The following PSAT1 variants were observed in gnomAD, a reference collection of about 807,000 sequenced individuals.
The protein encoded by PSAT1 is phosphoserine aminotransferase.
In PSAT1, 41 loss-of-function variants were observed where a neutral mutation model predicts 40.3. The ratio of observed to expected loss-of-function variants is 1.02; its 90% CI spans 0.79 to 1.32. PSAT1 has a LOEUF of 1.32. Among genes scored for constraint, PSAT1 ranks in the 40% most tolerant of loss-of-function variants. PSAT1 has a pLI of 0.00. For synonymous variants in PSAT1, 147 were observed against 170.5 expected (o/e 0.86, Z 1.07); for missense variants, 406 against 455.8 (o/e 0.89, Z 0.99).
In PSAT1 at chr9:78,311,397, G is replaced by C. The variant is rs564356728; in HGVS notation, c.740+2814G>C. Among the ~76,000 whole-genome samples, 59 of 152,276 alleles carry C rather than the reference G, an allele frequency of 3.9e-4. 1 individual carries two copies. In the South Asian group the frequency reaches 0.012, roughly 32 times the overall value. On this transcript the variant is annotated intron_variant, in intron 6 of 8. Coordinates refer to ENST00000376588, the MANE Select transcript of PSAT1 (RefSeq NM_058179.4). ...CATTTCAGAAGTGAGAAGGTGGGAG[G>C]GGGCAGGGAAAGAGTGCTGTTCCTG...
rs138085071 is a variant in PSAT1 at position 78,308,549 on chromosome 9, A to C, written c.706A>C (p.Asn236His). ...CCTGGAATACAAGGTGCAGGCTGGA[A>C]ACAGCTCCTTGTACAACACGCCTCC... Reference protein sequence around the residue: ...SVLEYKVQAGNSSLYNTPPCF... With the variant: ...SVLEYKVQAGHSSLYNTPPCF... Residue 236 changes from asparagine to histidine, a missense_variant, in exon 6 of 9, where the codon AAC (asparagine) becomes CAC (histidine). Physicochemically the swap from Asn to His is moderately conservative, Grantham distance 68. Transcript: ENST00000376588. The C allele has an allele frequency of 2.6e-5, 42 of 1,613,880 alleles. No individual in the cohort carries two copies. Among genetic ancestry groups the C allele is most frequent in the Non-Finnish European group, 3.3e-5 (39 of 1,180,008 alleles).
In PSAT1 at chr9:78,307,621, C is replaced by A. The variant is rs187001790; in HGVS notation, c.571-793C>A. ...TTGCACAACAGAATTACCTAAAGTA[C>A]CTTTAAGCCTCTGTTTTCTATAATT... On this transcript the variant is annotated intron_variant, in intron 5 of 8. Coordinates refer to ENST00000376588, the MANE Select transcript of PSAT1 (RefSeq NM_058179.4). Among the ~76,000 whole-genome samples, 275 of 152,290 alleles carry A rather than the reference C, an allele frequency of 1.8e-3. 1 individual carries two copies. Among genetic ancestry groups the A allele is most frequent in the African/African-American group, 6.1e-3 (254 of 41,564 alleles).
chr9:78,306,548 A>C, intron 5 of PSAT1, 62 bp downstream of exon 5: 1 of 1,597,584 alleles, frequency 6.3e-7, no homozygotes, highest in South Asian at 1.1e-5. Flanking sequence ...GGACATTTTA[A>C]TATATACAAG....
chr9:78,304,396 C>T (rs1372676443), intron 3 of PSAT1, among the ~76,000 whole-genome samples: 1 of 152,224 alleles, frequency 6.6e-6, no homozygotes, highest in Non-Finnish European at 1.5e-5. Context: ...GGCAGGTACT[C>T]ATCCCCTTGA....
chr9:78,327,132 T>A (rs1828512538), intron 7 of PSAT1, among the ~76,000 whole-genome samples: 1 of 116,772 alleles, frequency 8.6e-6, no homozygotes, highest in South Asian at 3.4e-4. Context: ...ATTTTTGTAT[T>A]TTTTTTTTTC....
At chr9:78,304,040 C>T (rs768356452) in intron 3 of PSAT1, among the ~76,000 whole-genome samples, 6 of 152,142 alleles carry the variant, frequency 3.9e-5, no homozygotes, top group Non-Finnish European at 7.3e-5. Flanking sequence ...AAAACATTAT[C>T]GAAACCCCCT....
At chr9:78,327,924 G>T in intron 7 of PSAT1, 127 bp from the exon 8 acceptor site, 3 of 1,030,672 alleles carry the variant, frequency 2.9e-6, no homozygotes, top group South Asian at 2.9e-5. Context: ...CAGATTTTTT[G>T]TTTTTTGTTT....
Position 78,318,890 on chromosome 9 carries a change from C to T in PSAT1, c.869+1086C>T, listed in dbSNP as rs75500871. The stretch of plus-strand genomic sequence containing the variant: ...AATGCCAGATGGGAAGCACCTAGTG[C>T]GGTGCCTTGGATGCAGAGAAGTGTA... On this transcript the variant is annotated intron_variant, in intron 7 of 8. Transcript: ENST00000376588. 2.3e-3 allele frequency among the ~76,000 whole-genome samples: 353 copies of T among 152,284 alleles called. 2 individuals are homozygous for T. The highest frequency in any genetic ancestry group is 7.7e-3 in the African/African-American group (321 of 41,558).
At chr9:78,301,831 T>G (rs1440667975) in intron 2 of PSAT1, 123 bp from the exon 3 acceptor site, 1 of 781,030 alleles carries the variant, frequency 1.3e-6, no homozygotes, top group East Asian at 2.7e-5. Flanking sequence ...TGGCCCACAA[T>G]TTGAATGCAG....
At chr9:78,317,571 T>C (rs1828365364) in intron 6 of PSAT1, 105 bp from the exon 7 acceptor site, 5 of 1,296,188 alleles carry the variant, frequency 3.9e-6, no homozygotes, top group African/African-American at 2.9e-5. Flanking sequence ...TTTCAAATAA[T>C]GTGTTTAAGT....
intron 6 of PSAT1, among the ~76,000 whole-genome samples, chr9:78,309,425 T>C (rs1828234364): frequency 6.6e-6 from 1 of 152,214 alleles, no homozygotes; most frequent in Non-Finnish European, 1.5e-5. Context: ...TGCAGTGGCA[T>C]GATCTCGGCT....
rs1828545670 is a variant in PSAT1, at chr9:78,329,204, A to C, written c.*118A>C. On this transcript the variant is annotated 3_prime_UTR_variant, in exon 9 of 9. Coordinates refer to ENST00000376588, the MANE Select transcript of PSAT1 (RefSeq NM_058179.4). ...TCTCAAATGAACATGTTTATTGCAG[A>C]TTCTTCTTTTTTGAAAGAACAACAG... 2.6e-6 allele frequency: 2 copies of C among 764,340 alleles called. No individual in the cohort carries two copies. The highest frequency in any genetic ancestry group is 4.6e-6 in the Non-Finnish European group (2 of 439,346). The allele number at this position is 764,340 out of a possible 1,614,324, so 47.3% of individuals were successfully genotyped here.
intron 6 of PSAT1, among the ~76,000 whole-genome samples, chr9:78,313,881 A>T (rs895887397): frequency 7.9e-5 from 12 of 152,194 alleles, no homozygotes; most frequent in African/African-American, 2.9e-4. Context: ...TCCTGGCCTC[A>T]AGCTGTCCTC....
At chr9:78,322,862 AG>A (rs148093836) in intron 7 of PSAT1, among the ~76,000 whole-genome samples, 1,711 of 152,368 alleles carry the variant, frequency 0.011, 21 homozygotes, top group South Asian at 0.037. Context: ...ATACATTAAA[AG>A]GATTGATAAC....
In PSAT1 at chr9:78,304,928, G is replaced by T. The variant is rs1242137800; in HGVS notation, c.385G>T (p.Gly129Trp). 6.2e-7 allele frequency: 1 copy of T among 1,612,490 alleles called. No homozygotes were observed. Among genetic ancestry groups the T allele is most frequent in the East Asian group, 2.2e-5 (1 of 44,874 alleles). Reference sequence around the variant, plus strand: ...TATAAATATCGTTCACCCTAAACTTGGGAGTTATACAAGTAAGTTCTGGGA... The same window carrying T: ...TATAAATATCGTTCACCCTAAACTTTGGAGTTATACAAGTAAGTTCTGGGA... The part of the protein sequence containing the change: ...GTINIVHPKL[G>W]SYTKIPDPST... The change falls in exon 4 of 9, where the codon GGG (glycine) becomes TGG (tryptophan). Residue 129 changes from glycine (G) to tryptophan (W), a missense_variant. Transcript: ENST00000376588.
At chr9:78,320,590 C>T (rs1197764988) in intron 7 of PSAT1, among the ~76,000 whole-genome samples, 1 of 147,062 alleles carries the variant, frequency 6.8e-6, no homozygotes, top group East Asian at 2.1e-4. Flanking sequence ...CATCTATCTA[C>T]CCACTTGTCC....
rs552296941 is a variant in PSAT1, at chr9:78,312,881, G to A, written c.740+4298G>A. Among the ~76,000 whole-genome samples, 7 of 152,238 alleles carry A rather than the reference G, an allele frequency of 4.6e-5. No homozygotes were observed. The South Asian group carries it at 1.5e-3, about 32-fold the overall frequency. On this transcript the variant is annotated intron_variant, in intron 6 of 8. Coordinates refer to ENST00000376588, the MANE Select transcript of PSAT1 (RefSeq NM_058179.4). ...TTTTGGGAGCTTTCCTCTGGGAAAA[G>A]TGCTCAACTCAGTGGCTACATTCAC...
intron 6 of PSAT1, among the ~76,000 whole-genome samples, chr9:78,312,309 A>T (rs2118664004): frequency 6.6e-6 from 1 of 152,312 alleles, no homozygotes; most frequent in African/African-American, 2.4e-5. Context: ...AACTGAATAC[A>T]CAAGCATACG....
At chr9:78,315,014 TG>T (rs909453050) in intron 6 of PSAT1, among the ~76,000 whole-genome samples, 1 of 151,640 alleles carries the variant, frequency 6.6e-6, no homozygotes, top group African/African-American at 2.4e-5. Flanking sequence ...AGGCTGCAGG[TG>T]TGGGAGAGGA....
Sources: allele counts gnomAD v4.1 joint callset (sites outside exome capture counted in the v4.1 genomes callset), GRCh38; gene constraint gnomAD v4.1.1; transcripts MANE v1.5; gene names NCBI Gene and HGNC (gene_info 2026-07-23, HGNC 2026-07-21).